Variants in PDE8B observed in about 807,000 individuals in gnomAD.
PDE8B encodes the protein phosphodiesterase 8B.
A neutral mutation model predicts 101.3 loss-of-function variants in PDE8B; 26 were observed. The ratio of observed to expected loss-of-function variants is 0.26; its 90% confidence interval spans 0.19 to 0.36. The LOEUF (loss-of-function observed/expected upper bound fraction) is 0.36. Among genes scored for constraint, PDE8B ranks in the 10% least tolerant of loss-of-function variants. The pLI, the probability that PDE8B is intolerant of heterozygous loss-of-function variation, is 1.00. For missense variants in PDE8B, 810 were observed against 1,163.1 expected (o/e 0.70, Z 4.42); for synonymous variants, 424 against 429.3 (o/e 0.99, Z 0.15).
intron 8 of PDE8B, among the ~76,000 whole-genome samples, chr5:77,349,941 G>GT (rs1010276473): frequency 6.6e-5 from 10 of 152,094 alleles, no homozygotes; most frequent in African/African-American, 1.9e-4. Context: ...GGTAGGCCAG[G>GT]TTTTTTTCCC....
At chr5:77,274,910 G>A (rs1410081443) in intron 1 of PDE8B, among the ~76,000 whole-genome samples, 1 of 152,136 alleles carries the variant, frequency 6.6e-6, no homozygotes, top group Non-Finnish European at 1.5e-5. Flanking sequence ...GAGAAAAAGA[G>A]AAAGAGAAAG....
the PDE8B span, among the ~76,000 whole-genome samples, chr5:77,093,528 C>T: frequency 6.6e-6 from 1 of 152,102 alleles, no homozygotes. Flanking sequence ...GGTTTTGGCA[C>T]CCAATGAGTA....
intron 10 of PDE8B, among the ~76,000 whole-genome samples, chr5:77,388,836 C>A (rs945454174): frequency 5.3e-5 from 8 of 152,106 alleles, no homozygotes; most frequent in African/African-American, 1.7e-4. Flanking sequence ...TGGGCTCCAC[C>A]CAGTTCGAAC....
chr5:77,386,515 C>T (rs1038520922), intron 10 of PDE8B, among the ~76,000 whole-genome samples: 1 of 152,104 alleles, frequency 6.6e-6, no homozygotes, highest in African/African-American at 2.4e-5. Flanking sequence ...TGCATTGATC[C>T]CTTTACCATT....
At chr5:77,128,772 G>A in the PDE8B span, among the ~76,000 whole-genome samples, 1 of 152,126 alleles carries the variant, frequency 6.6e-6, no homozygotes, top group African/African-American at 2.4e-5. Context: ...AAATAAATTG[G>A]AAGTCAATTC....
chr5:77,322,421 A>C (rs770953878), intron 2 of PDE8B, among the ~76,000 whole-genome samples: 1 of 152,182 alleles, frequency 6.6e-6, no homozygotes, highest in Admixed American at 6.5e-5. Context: ...GTGAGTTTCC[A>C]TGTGAAATCC....
rs147124931 is a variant in PDE8B, at chr5:77,290,326, G to A, written c.340-21668G>A. On this transcript the variant is annotated intron_variant, in intron 1 of 21. Transcript: ENST00000264917. Reference sequence around the variant, plus strand: ...GCATGGCTGAAAGAGGTGGGGCTCCGAGAGGAAAATGAGGGCGTGTATAAT... The same window carrying A: ...GCATGGCTGAAAGAGGTGGGGCTCCAAGAGGAAAATGAGGGCGTGTATAAT... 8.2e-5 allele frequency: 124 copies of A among 1,509,620 alleles called. 3 individuals are homozygous for A. The East Asian group carries it at 9.3e-4, about 11-fold the overall frequency. 93.5% of individuals were successfully genotyped at this position (1,509,620 alleles called of 1,614,324 possible).
intron 13 of PDE8B, among the ~76,000 whole-genome samples, chr5:77,407,988 G>A (rs1793820293): frequency 6.6e-6 from 1 of 152,190 alleles, no homozygotes; most frequent in South Asian, 2.1e-4. Flanking sequence ...GGAAACCACT[G>A]AAGAGTTTCA....
rs1339022926 is a variant in PDE8B at position 77,426,655 on chromosome 5, G to T, written c.*101G>T. The T allele has an allele frequency of 1.4e-5, 10 of 728,712 alleles. No homozygotes were observed. The highest frequency in any genetic ancestry group is 2.5e-5 in the Non-Finnish European group (10 of 395,744). 45.1% of individuals were successfully genotyped at this position (728,712 alleles called of 1,614,324 possible). A position where few individuals can be genotyped will look rare whatever the true frequency, so the allele number is the denominator to read the frequency against. ...TTTCTAATGACAATGACAGGTATTG[G>T]TGAAGGAGCTAATGTTTAATATTTG... is the stretch of plus-strand genomic sequence containing the variant. On this transcript the variant is annotated 3_prime_UTR_variant, in exon 22 of 22. Coordinates refer to ENST00000264917, the MANE Select transcript of PDE8B (RefSeq NM_003719.5).
At chr5:77,274,653 T>A (rs1364571401) in intron 1 of PDE8B, among the ~76,000 whole-genome samples, 1 of 152,172 alleles carries the variant, frequency 6.6e-6, no homozygotes, top group Non-Finnish European at 1.5e-5. Context: ...TCTCATCAAA[T>A]AGCCTATTGA....
chr5:77,329,313 A>G (rs1426310925), intron 4 of PDE8B, among the ~76,000 whole-genome samples: 1 of 152,220 alleles, frequency 6.6e-6, no homozygotes, highest in African/African-American at 2.4e-5. Flanking sequence ...TACTCATTAT[A>G]TGCCAAAAAT....
chr5:77,231,067 G>T (rs532906423), intron 1 of PDE8B, among the ~76,000 whole-genome samples: 1 of 152,184 alleles, frequency 6.6e-6, no homozygotes, highest in Non-Finnish European at 1.5e-5. Flanking sequence ...TGTGGGCCAG[G>T]TTTCTGGTTT....
the PDE8B span, among the ~76,000 whole-genome samples, chr5:77,160,961 T>G: frequency 6.6e-6 from 1 of 152,214 alleles, no homozygotes; most frequent in Non-Finnish European, 1.5e-5. Flanking sequence ...CCTTTTATTC[T>G]TTTTTAAGAG....
intron 11 of PDE8B, among the ~76,000 whole-genome samples, chr5:77,401,945 A>ACAGT: frequency 6.6e-6 from 1 of 152,332 alleles, no homozygotes; most frequent in African/African-American, 2.4e-5. Flanking sequence ...TTTCTAATGA[A>ACAGT]CGACTTAGAA....
Position 77,219,830 on chromosome 5 carries a change from G to A in PDE8B, c.339+8566G>A, listed in dbSNP as rs776614174. ...CTAGAAGTCTCTTTCCCCCACAGTCGAGAGTGTGATGCTCAAAAGAAGGAT... is the reference window on the plus strand; with the variant it reads ...CTAGAAGTCTCTTTCCCCCACAGTCAAGAGTGTGATGCTCAAAAGAAGGAT... On this transcript the variant is annotated intron_variant, in intron 1 of 21. Transcript: ENST00000264917. 5.2e-4 allele frequency among the ~76,000 whole-genome samples: 79 copies of A among 152,272 alleles called. 1 individual carries two copies. In the Middle Eastern group the frequency reaches 0.01, roughly 20 times the overall value.
chr5:77,152,800 A>G, the PDE8B span, among the ~76,000 whole-genome samples: 1 of 147,234 alleles, frequency 6.8e-6, no homozygotes, highest in Non-Finnish European at 1.5e-5. Flanking sequence ...CGGACCTGGG[A>G]TAGCACTGCT....
chr5:77,398,267 TA>T (rs78004093), intron 10 of PDE8B, among the ~76,000 whole-genome samples: 318 of 139,080 alleles, frequency 2.3e-3, no homozygotes, highest in African/African-American at 6.7e-3. Flanking sequence ...GTAGGGCCCT[TA>T]AAAAAAAAAA....
At chr5:77,281,253 G>C (rs568526314) in intron 1 of PDE8B, among the ~76,000 whole-genome samples, 1 of 152,190 alleles carries the variant, frequency 6.6e-6, no homozygotes, top group African/African-American at 2.4e-5. Context: ...GTCTTCCAGC[G>C]TCCCTCCCCG....
At chr5:77,325,081 C>G (rs1226452985) in intron 2 of PDE8B, among the ~76,000 whole-genome samples, 2 of 152,166 alleles carry the variant, frequency 1.3e-5, no homozygotes, top group Admixed American at 1.3e-4. Flanking sequence ...ACTGGAGGAG[C>G]TGGGATTTGA....
Sources: allele counts gnomAD v4.1 joint callset (sites outside exome capture counted in the v4.1 genomes callset), GRCh38; gene constraint gnomAD v4.1.1; transcripts MANE v1.5; gene names NCBI Gene and HGNC (gene_info 2026-07-23, HGNC 2026-07-21).